Variants in PDGFC observed in about 807,000 individuals in gnomAD.
PDGFC encodes the protein platelet-derived growth factor C.
Under a neutral mutation model 35.5 loss-of-function variants are expected in PDGFC, and 12 were observed. The ratio of observed to expected loss-of-function variants is 0.34; its 90% CI spans 0.22 to 0.55. The LOEUF (loss-of-function observed/expected upper bound fraction) is 0.55, where lower values mean the gene tolerates loss of function less well. PDGFC is among the 20% of genes least tolerant of loss of function. The pLI is 0.91. For missense variants in PDGFC, 322 were observed against 412.4 expected (o/e 0.78, Z 1.90); for synonymous variants, 159 against 148.8 (o/e 1.07, Z -0.50).
At position 156,971,095 on chromosome 4, in the gene PDGFC, T is replaced by G; in HGVS notation, c.-192A>C. On this transcript the variant is annotated 5_prime_UTR_variant, in exon 1 of 6. Coordinates refer to ENST00000502773, the MANE Select transcript of PDGFC (RefSeq NM_016205.3). The stretch of plus-strand genomic sequence containing the variant: ...TTTTCCTAGAGCCCTCTTCTGTGTC[T>G]CCAGTTTTTGAAAAGGATCAAAGCA... 1.8e-6 allele frequency: 1 copy of G among 554,962 alleles called. No homozygotes were observed. Among genetic ancestry groups the G allele is most frequent in the Non-Finnish European group, 3.2e-6 (1 of 310,548 alleles). 34.4% of individuals were successfully genotyped at this position (554,962 alleles called of 1,614,324 possible).
intron 1 of PDGFC, among the ~76,000 whole-genome samples, chr4:156,913,177 C>T (rs1381886100): frequency 6.6e-6 from 1 of 152,128 alleles, no homozygotes; most frequent in African/African-American, 2.4e-5. Flanking sequence ...AAAAACTCTC[C>T]AGTACCAGTC....
intron 1 of PDGFC, among the ~76,000 whole-genome samples, chr4:156,862,715 ATC>A (rs1171547634): frequency 7.4e-6 from 1 of 135,626 alleles, no homozygotes. Flanking sequence ...AAACATCTTT[ATC>A]TCTCTCTCTT....
chr4:156,792,750 A>G (rs985373547), intron 3 of PDGFC, among the ~76,000 whole-genome samples: 3 of 152,188 alleles, frequency 2.0e-5, no homozygotes, highest in African/African-American at 7.2e-5. Context: ...TGCATTTCCA[A>G]TTATAATGCA....
At chr4:156,903,873 G>A (rs1390897298) in intron 1 of PDGFC, among the ~76,000 whole-genome samples, 2 of 152,120 alleles carry the variant, frequency 1.3e-5, no homozygotes, top group Non-Finnish European at 2.9e-5. Context: ...AAGAGGAAAG[G>A]AAGCAAGACT....
At chr4:156,841,500 C>T (rs1490295769) in intron 2 of PDGFC, 1 of 148,038 alleles carries the variant, frequency 6.8e-6, no homozygotes, top group Non-Finnish European at 1.5e-5. Context: ...CAGTCTCAGG[C>T]AGTTTTTTTT....
chr4:156,856,415 C>T (rs891392826), intron 1 of PDGFC, among the ~76,000 whole-genome samples: 1 of 152,082 alleles, frequency 6.6e-6, no homozygotes, highest in African/African-American at 2.4e-5. Context: ...CCTCTTCATG[C>T]GATAACCTCT....
chr4:156,925,703 C>T (rs904862013), intron 1 of PDGFC, among the ~76,000 whole-genome samples: 2 of 147,968 alleles, frequency 1.4e-5, no homozygotes, highest in African/African-American at 5.0e-5. Context: ...TATTTGAAGG[C>T]AAGAGATTGG....
chr4:156,797,828 C>T (rs1012971728), intron 3 of PDGFC, among the ~76,000 whole-genome samples: 3 of 152,126 alleles, frequency 2.0e-5, no homozygotes, highest in Non-Finnish European at 4.4e-5. Context: ...GAGTAGATTA[C>T]AGTCTGTTTA....
intron 1 of PDGFC, among the ~76,000 whole-genome samples, chr4:156,862,687 C>A (rs1372754407): frequency 6.6e-6 from 1 of 151,552 alleles, no homozygotes; most frequent in Non-Finnish European, 1.5e-5. Flanking sequence ...ACCTTAATCA[C>A]TTTGCCCAAA....
intron 1 of PDGFC, among the ~76,000 whole-genome samples, chr4:156,884,107 A>C (rs142487637): frequency 6.6e-6 from 1 of 152,336 alleles, no homozygotes; most frequent in East Asian, 1.9e-4. Context: ...GCCTCCAAGA[A>C]GGAAAGCTAA....
chr4:156,760,952 T>C lies in PDGFC; in HGVS notation c.*2138A>G, dbSNP rs1268551080. Reference sequence around the variant, plus strand: ...ATATTCCATATATCTAGTTGGCCTCTATATGGATAGGACAAAACCAGGAAA... The same window carrying C: ...ATATTCCATATATCTAGTTGGCCTCCATATGGATAGGACAAAACCAGGAAA... On this transcript the variant is annotated 3_prime_UTR_variant, in exon 6 of 6. Transcript: ENST00000502773. 1 of 152,164 alleles carries C rather than the reference T, an allele frequency of 6.6e-6. No individual in the cohort carries two copies. The highest frequency in any genetic ancestry group is 1.5e-5 in the Non-Finnish European group (1 of 68,040). 9.4% of individuals were successfully genotyped at this position (152,164 alleles called of 1,614,324 possible).
At position 156,876,184 on chromosome 4, in the gene PDGFC, G is replaced by A. The variant is rs535753686; in HGVS notation, c.119-25768C>T. 9.2e-5 allele frequency among the ~76,000 whole-genome samples: 14 copies of A among 152,210 alleles called. No homozygotes were observed. The South Asian group carries it at 1.2e-3, about 14-fold the overall frequency. ...TGTCCTTTATAAACTTAATGGAAAAGTATCTGTTTCTAGTCACTTTCTCAC... is the reference window on the plus strand; with the variant it reads ...TGTCCTTTATAAACTTAATGGAAAAATATCTGTTTCTAGTCACTTTCTCAC... On this transcript the variant is annotated intron_variant, in intron 1 of 5. Transcript: ENST00000502773.
intron 1 of PDGFC, among the ~76,000 whole-genome samples, chr4:156,875,528 T>C (rs1730092055): frequency 6.6e-6 from 1 of 151,994 alleles, no homozygotes; most frequent in Non-Finnish European, 1.5e-5. Flanking sequence ...GCAAGGTAAA[T>C]AGTAAAATAA....
At chr4:156,959,954 A>C (rs964980422) in intron 1 of PDGFC, among the ~76,000 whole-genome samples, 7 of 152,028 alleles carry the variant, frequency 4.6e-5, no homozygotes, top group African/African-American at 1.4e-4. Context: ...TGAAGCAAAA[A>C]CTTCTTTAAA....
At chr4:156,865,582 C>G (rs17230544) in intron 1 of PDGFC, among the ~76,000 whole-genome samples, 7,486 of 152,154 alleles carry the variant, frequency 0.049, 206 homozygotes, top group Middle Eastern at 0.085. Flanking sequence ...TGTGAATTAT[C>G]TTAAAGCTAT....
At chr4:156,898,598 T>A (rs981289968) in intron 1 of PDGFC, among the ~76,000 whole-genome samples, 1 of 152,178 alleles carries the variant, frequency 6.6e-6, no homozygotes, top group Non-Finnish European at 1.5e-5. Flanking sequence ...CTTACGCAAC[T>A]TAAATTTCCT....
chr4:156,797,074 A>G (rs1731463389), intron 3 of PDGFC, among the ~76,000 whole-genome samples: 2 of 151,884 alleles, frequency 1.3e-5, no homozygotes, highest in Admixed American at 1.3e-4. Context: ...CATCTCTACT[A>G]AAAATACGAA....
intron 1 of PDGFC, among the ~76,000 whole-genome samples, chr4:156,895,587 G>A (rs184324116): frequency 5.6e-4 from 84 of 151,284 alleles, no homozygotes; most frequent in Admixed American, 3.7e-3. Context: ...AGCTGAGATC[G>A]TGCCACTGCA....
chr4:156,781,211 A>G (rs932958569), intron 3 of PDGFC, among the ~76,000 whole-genome samples: 5 of 152,138 alleles, frequency 3.3e-5, no homozygotes, highest in African/African-American at 9.7e-5. Flanking sequence ...CATATCCCAC[A>G]TCAAGTTATC....
Sources: gnomAD v4.1 joint callset for allele counts (sites outside exome capture counted in the v4.1 genomes callset) on GRCh38, gnomAD v4.1.1 for gene constraint, MANE v1.5 for transcripts, NCBI Gene and HGNC (gene_info 2026-07-23, HGNC 2026-07-21) for gene names.